EMC7: variants seen among roughly 807,000 people sequenced by gnomAD.
EMC7 encodes endoplasmic reticulum membrane protein complex subunit 7.
EMC7 carries 4 observed loss-of-function variants against 24.4 expected under a neutral mutation model. That is an observed-to-expected ratio of 0.16 (90% confidence interval 0.08 to 0.38). The LOEUF (loss-of-function observed/expected upper bound fraction) is 0.38. EMC7 is among the 10% of genes least tolerant of loss of function. The pLI, the probability that EMC7 is intolerant of heterozygous loss-of-function variation, is 1.00. For synonymous variants in EMC7, 106 were observed against 112.0 expected, an observed-to-expected ratio of 0.95 and a Z score of 0.34; for missense variants, 221 against 300.6, an observed-to-expected ratio of 0.74 and a Z score of 1.96.
intron 1 of EMC7, among the ~76,000 whole-genome samples, chr15:34,098,745 A>T (rs1901125486): frequency 6.6e-6 from 1 of 151,630 alleles, no homozygotes; most frequent in Non-Finnish European, 1.5e-5. Flanking sequence ...CTAGGATTAC[A>T]GGTATGAGCC....
At chr15:34,096,140 A>C in intron 1 of EMC7, 126 bp from the exon 2 acceptor site, 6 of 1,105,868 alleles carry the variant, frequency 5.4e-6, no homozygotes, top group Non-Finnish European at 7.3e-6. Context: ...AACAAACAAA[A>C]CCTTGGCGAA....
At chr15:34,096,582 C>T (rs944425848) in intron 1 of EMC7, among the ~76,000 whole-genome samples, 2 of 152,126 alleles carry the variant, frequency 1.3e-5, no homozygotes, top group African/African-American at 2.4e-5. Flanking sequence ...GTAGAGATGA[C>T]AGGTGACAGA....
chr15:34,096,926 G>A (rs1237405677), intron 1 of EMC7, among the ~76,000 whole-genome samples: 1 of 150,808 alleles, frequency 6.6e-6, no homozygotes, highest in African/African-American at 2.4e-5. Context: ...GGCAGAGGTT[G>A]CAGTGAGCTG....
intron 2 of EMC7, among the ~76,000 whole-genome samples, chr15:34,094,394 C>T (rs1036831560): frequency 3.3e-5 from 5 of 151,846 alleles, no homozygotes; most frequent in African/African-American, 4.8e-5. Context: ...ATTAGCCGGG[C>T]GTTGGTGGTA....
intron 2 of EMC7, 137 bp downstream of exon 2, chr15:34,095,758 A>C (rs1035192373): frequency 2.5e-6 from 2 of 799,166 alleles, no homozygotes; most frequent in Non-Finnish European, 3.5e-6. Context: ...ATAAACGAGG[A>C]TATTTTAAGT....
intron 2 of EMC7, among the ~76,000 whole-genome samples, chr15:34,093,810 T>C (rs867214419): frequency 0.063 from 166 of 2,618 alleles, 5 homozygotes; most frequent in Non-Finnish European, 0.12. Flanking sequence ...CACACACATA[T>C]ATATATATAT....
At chr15:34,084,621 T>G in intron 4 of EMC7, 135 bp from the exon 5 acceptor site, 1 of 829,634 alleles carries the variant, frequency 1.2e-6, no homozygotes, top group South Asian at 2.2e-5. Flanking sequence ...AACATCATAC[T>G]CAGTAGTACT....
chr15:34,091,300 A>C (rs8027337), intron 2 of EMC7, among the ~76,000 whole-genome samples: 150,573 of 152,274 alleles, frequency 0.99, 74,468 homozygotes, highest in Middle Eastern at 1. Context: ...TAATAATTCT[A>C]CTATTTAAAG....
intron 2 of EMC7, among the ~76,000 whole-genome samples, chr15:34,093,779 G>GTA (rs1329440550): frequency 4.8e-5 from 1 of 20,792 alleles, no homozygotes; most frequent in African/African-American, 1.5e-4. Flanking sequence ...ACACATATAT[G>GTA]TATACACACA....
At position 34,084,448 on chromosome 15, in the gene EMC7, A is replaced by T; in HGVS notation, c.615T>A (p.His205Gln). Residue 205 changes from histidine to glutamine, a missense_variant, in exon 5 of 5, where the codon CAT becomes CAA. Around this residue, in one of 2 missense-constraint regions of EMC7, gnomAD observed 65 missense variants for 123.4 expected, o/e 0.53. Transcript: ENST00000256545. The part of the protein sequence containing the change: ...EQSMNMLNSN[H>Q]ELPDVSEFMT... ...TGAACTCAGAAACATCAGGCAACTCATGGTTGGAATTCAGCATATTCATTG... is the reference window on the plus strand; with the variant it reads ...TGAACTCAGAAACATCAGGCAACTCTTGGTTGGAATTCAGCATATTCATTG... The T allele has an allele frequency of 6.2e-7, 1 of 1,613,810 alleles. No individual in the cohort carries two copies. Among genetic ancestry groups the T allele is most frequent in the Non-Finnish European group, 8.5e-7 (1 of 1,179,734 alleles).
chr15:34,101,789 T>C lies in EMC7; in HGVS notation c.51A>G (p.Leu17=), dbSNP rs1415415999. 27 of 1,612,244 alleles carry C rather than the reference T, an allele frequency of 1.7e-5. No homozygotes were observed. The highest frequency in any genetic ancestry group is 1.9e-5 in the Non-Finnish European group (22 of 1,179,602). Residue 17 remains leucine, a synonymous_variant, in exon 1 of 5, where the codon CTA becomes CTG. Transcript: ENST00000256545. ...CCTCCGAGCTCTGGACATCCCCCGA[T>C]AGCAGCAGCAGCAGCAGGACGGGAA... ...GFFPVLLLLL[L]SGDVQSSEVP...
chr15:34,084,324 G>A lies in EMC7; in HGVS notation c.*10C>T. 6.2e-7 allele frequency: 1 copy of A among 1,611,272 alleles called. No individual in the cohort carries two copies. The highest frequency in any genetic ancestry group is 8.5e-7 in the Non-Finnish European group (1 of 1,177,934). The stretch of plus-strand genomic sequence containing the variant: ...CGTGTTTGTGCAAATGCCAGCTCTG[G>A]ACGGCCTGACTACCTCCTTTTGCCA... On this transcript the variant is annotated 3_prime_UTR_variant, in exon 5 of 5. Transcript: ENST00000256545.
At chr15:34,096,184 C>G (rs1901063128) in intron 1 of EMC7, among the ~76,000 whole-genome samples, 170 bp from the exon 2 acceptor site, 1 of 152,130 alleles carries the variant, frequency 6.6e-6, no homozygotes, top group South Asian at 2.1e-4. Flanking sequence ...TTTCTTTTTT[C>G]TTTTGAGACG....
chr15:34,093,756 G>T (rs1381196488), intron 2 of EMC7, among the ~76,000 whole-genome samples: 3 of 119,342 alleles, frequency 2.5e-5, no homozygotes, highest in Non-Finnish European at 3.4e-5. Flanking sequence ...TAATATAAAA[G>T]AACTTTACAT....
Position 34,101,820 on chromosome 15 carries a change from C to T in EMC7, c.20G>A (p.Gly7Asp), listed in dbSNP as rs1763916361. Residue 7 changes from glycine (G) to aspartate (D), a missense_variant, in exon 1 of 5, where the codon GGC (glycine) becomes GAC (aspartate). Around this residue, in one of 2 missense-constraint regions of EMC7, gnomAD observed 156 missense variants for 177.1 expected, o/e 0.88. Coordinates refer to ENST00000256545, the MANE Select transcript of EMC7 (RefSeq NM_020154.3). MAAALW[G>D]FFPVLLLLLL... ...CAGCAGCAGCAGGACGGGAAAGAAG[C>T]CCCACAGAGCGGCCGCCATGACAGC... The T allele has an allele frequency of 6.2e-7, 1 of 1,607,534 alleles. No homozygotes were observed. The highest frequency in any genetic ancestry group is 1.3e-5 in the African/African-American group (1 of 74,878).
At chr15:34,093,823 A>ATATTTATTTTTTTT (rs1190830993) in intron 2 of EMC7, among the ~76,000 whole-genome samples, 1 of 48,706 alleles carries the variant, frequency 2.1e-5, no homozygotes, top group Non-Finnish European at 3.3e-5. Context: ...ATATATATAT[A>ATATTTATTTTTTTT]TTTTTTTTTT....
intron 4 of EMC7, among the ~76,000 whole-genome samples, chr15:34,086,763 T>G (rs1900896539): frequency 6.6e-6 from 1 of 152,258 alleles, no homozygotes; most frequent in Admixed American, 6.5e-5. Flanking sequence ...ACTTCTGATG[T>G]TTCCTTCTAC....
At chr15:34,095,837 A>G in intron 2 of EMC7, 58 bp downstream of exon 2, 1 of 1,447,780 alleles carries the variant, frequency 6.9e-7, no homozygotes, top group Admixed American at 2.1e-5. Context: ...TAAAAGGAAT[A>G]TATACTAAGG....
intron 4 of EMC7, among the ~76,000 whole-genome samples, 193 bp downstream of exon 4, chr15:34,087,860 A>T (rs1900912600): frequency 6.6e-6 from 1 of 152,158 alleles, no homozygotes; most frequent in South Asian, 2.1e-4. Context: ...TACGGTTCAA[A>T]AACCCACAGG....
Sources: allele counts gnomAD v4.1 joint callset (sites outside exome capture counted in the v4.1 genomes callset), GRCh38; gene constraint gnomAD v4.1.1; regional missense constraint gnomAD v4.1.1; transcripts MANE v1.5; gene names NCBI Gene and HGNC (gene_info 2026-07-23, HGNC 2026-07-21).